The following DNAJC1 variants were observed in gnomAD, a reference collection of about 807,000 sequenced individuals.
The protein encoded by DNAJC1 is dnaJ homolog subfamily C member 1.
DNAJC1 carries 58 observed loss-of-function variants against 76.6 expected under a neutral mutation model. The ratio of observed to expected loss-of-function variants is 0.76; its 90% CI spans 0.61 to 0.94. DNAJC1 has a LOEUF of 0.94. Among genes scored for constraint, DNAJC1 ranks in the 40% least tolerant of loss-of-function variants. The pLI is 0.00. For synonymous variants in DNAJC1, 258 were observed against 267.9 expected (o/e 0.96, Z 0.36); for missense variants, 689 against 677.3 (o/e 1.02, Z -0.19).
intron 6 of DNAJC1, among the ~76,000 whole-genome samples, chr10:21,916,747 C>A (rs2666781): frequency 0.59 from 89,220 of 151,866 alleles, 27,885 homozygotes; most frequent in East Asian, 0.95. Flanking sequence ...AAACAAAAAG[C>A]GACAAAAATC....
intron 1 of DNAJC1, among the ~76,000 whole-genome samples, chr10:21,947,645 T>A (rs1837528036): frequency 6.6e-6 from 1 of 152,200 alleles, no homozygotes. Context: ...ATTCATGGAC[T>A]TTCCACTGTG....
chr10:21,848,586 A>T (rs1440100283), intron 8 of DNAJC1, among the ~76,000 whole-genome samples: 3 of 152,238 alleles, frequency 2.0e-5, no homozygotes, highest in Admixed American at 6.5e-5. Context: ...TCTAGAAAGA[A>T]GATAAATAGG....
At chr10:21,962,090 C>T (rs1179819626) in intron 1 of DNAJC1, among the ~76,000 whole-genome samples, 1 of 152,200 alleles carries the variant, frequency 6.6e-6, no homozygotes, top group Non-Finnish European at 1.5e-5. Context: ...GTCTCTTGCA[C>T]CACACTTCCT....
intron 10 of DNAJC1, among the ~76,000 whole-genome samples, chr10:21,765,743 C>T (rs1311505750): frequency 6.6e-6 from 1 of 152,082 alleles, no homozygotes; most frequent in Non-Finnish European, 1.5e-5. Flanking sequence ...TACTCGGGGG[C>T]TGAGGCAGGA....
At position 21,928,917 on chromosome 10, in the gene DNAJC1, C is replaced by G. The variant is rs1590053336; in HGVS notation, c.324+123G>C. ...GTAGAAACTTGAAAAAAAATATACA[C>G]TATATTTTAAACTACTACCTCATTT... is the stretch of plus-strand genomic sequence containing the variant. On this transcript the variant is annotated intron_variant, in intron 2 of 11. Coordinates refer to ENST00000376980, the MANE Select transcript of DNAJC1 (RefSeq NM_022365.4). 6.7e-6 allele frequency: 4 copies of G among 596,666 alleles called. No individual in the cohort carries two copies. The Admixed American group carries it at 1.5e-4, about 23-fold the overall frequency. The allele number at this position is 596,666 out of a possible 1,614,324, so 37.0% of individuals were successfully genotyped here.
At chr10:21,950,668 T>C (rs911090833) in intron 1 of DNAJC1, among the ~76,000 whole-genome samples, 1 of 152,122 alleles carries the variant, frequency 6.6e-6, no homozygotes, top group Admixed American at 6.5e-5. Context: ...CAAGTATGAA[T>C]GTAAAGGAAA....
chr10:21,928,068 T>C (rs1304503923), intron 3 of DNAJC1, among the ~76,000 whole-genome samples: 4 of 152,094 alleles, frequency 2.6e-5, no homozygotes, highest in Admixed American at 6.6e-5. Flanking sequence ...TGAGGAAATA[T>C]CAAGAAAGAG....
At chr10:21,813,150 GTCTCTC>G (rs1179588600) in intron 8 of DNAJC1, among the ~76,000 whole-genome samples, 2 of 66,132 alleles carry the variant, frequency 3.0e-5, no homozygotes, top group Admixed American at 1.8e-4. Context: ...TGGGTTACTT[GTCTCTC>G]TCTCTCTCTC....
chr10:21,905,424 G>A (rs1836728038), intron 6 of DNAJC1, among the ~76,000 whole-genome samples: 1 of 151,972 alleles, frequency 6.6e-6, no homozygotes, highest in Non-Finnish European at 1.5e-5. Flanking sequence ...TGTATTAACA[G>A]CTGCCAGCCC....
intron 11 of DNAJC1, 71 bp from the exon 12 acceptor site, chr10:21,756,826 C>A: frequency 1.4e-6 from 2 of 1,392,852 alleles, no homozygotes; most frequent in South Asian, 2.3e-5. Context: ...TGTGGCCGGT[C>A]TGCTGGCTTC....
intron 9 of DNAJC1, among the ~76,000 whole-genome samples, chr10:21,772,654 T>C (rs1031492987): frequency 1.3e-5 from 2 of 152,288 alleles, no homozygotes; most frequent in South Asian, 2.1e-4. Flanking sequence ...CTTAAATGCA[T>C]GTTAATTTTC....
In DNAJC1 at chr10:21,855,608, G is replaced by T. The variant is rs73594515; in HGVS notation, c.978+26674C>A. ...TGAATACAAATAGGTGACTGCTAGGGTAACAGATTGAGACTTACCACTGGA... is the reference window on the plus strand; with the variant it reads ...TGAATACAAATAGGTGACTGCTAGGTTAACAGATTGAGACTTACCACTGGA... On this transcript the variant is annotated intron_variant, in intron 8 of 11. Transcript: ENST00000376980. 2.2e-3 allele frequency among the ~76,000 whole-genome samples: 337 copies of T among 152,208 alleles called. 1 individual carries two copies. The highest frequency in any genetic ancestry group is 7.6e-3 in the African/African-American group (317 of 41,550).
At chr10:21,904,429 G>T in intron 7 of DNAJC1, 93 bp downstream of exon 7, 9 of 818,760 alleles carry the variant, frequency 1.1e-5, no homozygotes, top group Non-Finnish European at 1.6e-5. Flanking sequence ...AAGAAAACCA[G>T]AAAATTTAAT....
chr10:21,955,691 T>G (rs909477347), intron 1 of DNAJC1, among the ~76,000 whole-genome samples: 4 of 152,168 alleles, frequency 2.6e-5, no homozygotes, highest in Non-Finnish European at 4.4e-5. Flanking sequence ...TTATTAAAAT[T>G]TTATCAAACA....
At chr10:21,843,247 C>A (rs1476682717) in intron 8 of DNAJC1, among the ~76,000 whole-genome samples, 1 of 152,122 alleles carries the variant, frequency 6.6e-6, no homozygotes, top group Non-Finnish European at 1.5e-5. Context: ...TGATCCAAAA[C>A]ATTTATTTAG....
intron 1 of DNAJC1, among the ~76,000 whole-genome samples, chr10:21,956,510 T>C (rs927973803): frequency 6.6e-6 from 1 of 151,722 alleles, no homozygotes; most frequent in Non-Finnish European, 1.5e-5. Context: ...GTGCTGCTTA[T>C]ATATACACAT....
At chr10:21,869,721 A>T (rs1836071341) in intron 8 of DNAJC1, among the ~76,000 whole-genome samples, 1 of 152,142 alleles carries the variant, frequency 6.6e-6, no homozygotes, top group Admixed American at 6.5e-5. Flanking sequence ...ATAGTTCTAT[A>T]CCTCGTTTGG....
At chr10:21,982,643 T>C (rs935623635) in intron 1 of DNAJC1, among the ~76,000 whole-genome samples, 8 of 149,974 alleles carry the variant, frequency 5.3e-5, no homozygotes, top group South Asian at 2.1e-4. Flanking sequence ...AGATGCTCAA[T>C]AACAGTAGTC....
At chr10:21,983,930 A>G (rs1251054668) in intron 1 of DNAJC1, among the ~76,000 whole-genome samples, 1 of 152,198 alleles carries the variant, frequency 6.6e-6, no homozygotes, top group East Asian at 1.9e-4. Context: ...GGTAAATTTT[A>G]CATTATGTAT....
Sources: allele counts gnomAD v4.1 joint callset (sites outside exome capture counted in the v4.1 genomes callset), GRCh38; gene constraint gnomAD v4.1.1; transcripts MANE v1.5; gene names NCBI Gene and HGNC (gene_info 2026-07-23, HGNC 2026-07-21).